STX3: variants seen among roughly 807,000 people sequenced by gnomAD.
STX3 encodes syntaxin 3.
Under a neutral mutation model 40.2 loss-of-function variants are expected in STX3, and 19 were observed. The ratio of observed to expected loss-of-function variants is 0.47; its 90% CI spans 0.33 to 0.69. STX3 has a LOEUF of 0.69. STX3 is among the 30% of genes least tolerant of loss of function. The pLI, the probability that STX3 is intolerant of heterozygous loss-of-function variation, is 0.02. For missense variants in STX3, 364 were observed against 366.7 expected (o/e 0.99, Z 0.06); for synonymous variants, 122 against 132.2 (o/e 0.92, Z 0.53).
At position 59,804,620 on chromosome 11, in the gene STX3, GC is replaced by G. The variant is rs1196168767; in HGVS notation, c.*3797del. On this transcript the variant is annotated 3_prime_UTR_variant, in exon 11 of 11. Coordinates refer to ENST00000337979, the MANE Select transcript of STX3 (RefSeq NM_004177.5). Reference sequence around the variant, plus strand: ...TTACCACAACATGAAAATTTAAAGTGCTTTTTCTATGGGTGGTGATGGTGGA... The same window carrying G: ...TTACCACAACATGAAAATTTAAAGTGTTTTTCTATGGGTGGTGATGGTGGA... 6.6e-6 allele frequency: 1 copy of G among 152,294 alleles called. No homozygotes were observed. The highest frequency in any genetic ancestry group is 2.4e-5 in the African/African-American group (1 of 41,564). 9.4% of individuals were successfully genotyped at this position (152,294 alleles called of 1,614,324 possible).
At chr11:59,795,230 G>C (rs1347020758) in intron 8 of STX3, 142 bp from the exon 9 acceptor site, 2 of 651,204 alleles carry the variant, frequency 3.1e-6, no homozygotes, top group Non-Finnish European at 5.3e-6. Flanking sequence ...CTGTGAATGG[G>C]TGTCCTATGG....
chr11:59,764,201 C>G (rs556355191), intron 1 of STX3, among the ~76,000 whole-genome samples: 1 of 152,160 alleles, frequency 6.6e-6, no homozygotes, highest in African/African-American at 2.4e-5. Flanking sequence ...CCTGAGACAT[C>G]TAGTGTCACC....
At chr11:59,795,661 G>A in intron 9 of STX3, 179 bp downstream of exon 9, 1 of 1,537,380 alleles carries the variant, frequency 6.5e-7, no homozygotes, top group East Asian at 2.4e-5. Context: ...TTGTGGAGCG[G>A]GCCGTGGCAG....
chr11:59,800,244 GGA>G (rs1245977942), intron 10 of STX3: 3 of 985,232 alleles, frequency 3.0e-6, no homozygotes, highest in Non-Finnish European at 3.6e-6. Flanking sequence ...GTCACCCAAG[GGA>G]GAGAGGTCTC....
chr11:59,800,928 AG>A lies in STX3; in HGVS notation c.*105del. ...GAATGGAGTCTGAATGGCCTTCCTG[AG>A]AGCGAGTGCGACCCGTTCCTTTGTT... On this transcript the variant is annotated 3_prime_UTR_variant, in exon 11 of 11. Transcript: ENST00000337979. 1 of 1,536,220 alleles carries A rather than the reference AG, an allele frequency of 6.5e-7. No homozygotes were observed. Among genetic ancestry groups the A allele is most frequent in the Non-Finnish European group, 8.7e-7 (1 of 1,146,874 alleles).
chr11:59,800,610 G>A, intron 10 of STX3: 1 of 985,430 alleles, frequency 1.0e-6, no homozygotes, highest in Non-Finnish European at 1.2e-6. Context: ...TTCCATGGGT[G>A]TGGACAGCCT....
intron 1 of STX3, among the ~76,000 whole-genome samples, chr11:59,761,564 C>T (rs376347585): frequency 4.5e-4 from 68 of 152,256 alleles, no homozygotes; most frequent in East Asian, 3.1e-3. Flanking sequence ...TTTATTTGCC[C>T]GCAGATTCTG....
chr11:59,781,956 A>G (rs908441655), intron 2 of STX3, among the ~76,000 whole-genome samples: 7 of 152,222 alleles, frequency 4.6e-5, no homozygotes, highest in African/African-American at 1.7e-4. Flanking sequence ...ATATGCAGCA[A>G]TTAATGCTCA....
intron 7 of STX3, 24 bp downstream of exon 7, chr11:59,793,196 A>G (rs1397981079): frequency 6.2e-7 from 1 of 1,612,270 alleles, no homozygotes; most frequent in Non-Finnish European, 8.5e-7. Context: ...GTGCTCGGAT[A>G]GCACATCCCT....
At chr11:59,793,539 G>A in intron 8 of STX3, 25 bp downstream of exon 8, 6 of 1,603,540 alleles carry the variant, frequency 3.7e-6, no homozygotes, top group South Asian at 2.2e-5. Context: ...GTCCCAGCGT[G>A]GGGAGGGAGG....
At chr11:59,762,513 C>T (rs960467646) in intron 1 of STX3, among the ~76,000 whole-genome samples, 9 of 152,152 alleles carry the variant, frequency 5.9e-5, no homozygotes, top group Non-Finnish European at 8.8e-5. Flanking sequence ...ATGAAGGTTG[C>T]GCGTTGTCAC....
chr11:59,754,251 G>C (rs1162385185), upstream of STX3: 1 of 152,248 alleles, frequency 6.6e-6, no homozygotes, highest in Non-Finnish European at 1.5e-5. Context: ...CGCGGGGCCG[G>C]CTCAAAGCCC....
intron 8 of STX3, among the ~76,000 whole-genome samples, chr11:59,794,989 C>T (rs1459631456): frequency 6.6e-6 from 1 of 152,168 alleles, no homozygotes; most frequent in East Asian, 1.9e-4. Flanking sequence ...GGCCAGCATC[C>T]TAGTGATGTC....
At chr11:59,775,685 A>G (rs1010559229) in intron 2 of STX3, among the ~76,000 whole-genome samples, 10 of 152,338 alleles carry the variant, frequency 6.6e-5, no homozygotes, top group Middle Eastern at 3.4e-3. Context: ...CAAGGATGCC[A>G]TGAGGATCAT....
chr11:59,790,430 G>A, intron 4 of STX3, 89 bp from the exon 5 acceptor site: 1 of 1,010,140 alleles, frequency 9.9e-7, no homozygotes, highest in Non-Finnish European at 1.6e-6. Flanking sequence ...TGGGCTGGAT[G>A]TGTGGGAATG....
intron 2 of STX3, chr11:59,781,820 A>T: frequency 8.6e-7 from 1 of 1,164,072 alleles, no homozygotes; most frequent in Non-Finnish European, 1.2e-6. Context: ...CTCTAATATG[A>T]AGACTGCTTG....
At chr11:59,792,701 C>A (rs1467127299) in intron 6 of STX3, among the ~76,000 whole-genome samples, 1 of 152,032 alleles carries the variant, frequency 6.6e-6, no homozygotes, top group Non-Finnish European at 1.5e-5. Context: ...TGAACATAAT[C>A]AAGAAAGAGC....
At chr11:59,774,779 C>T (rs867167097) in intron 2 of STX3, among the ~76,000 whole-genome samples, 4 of 151,968 alleles carry the variant, frequency 2.6e-5, no homozygotes, top group Non-Finnish European at 4.4e-5. Context: ...TGCAGTGAGC[C>T]GAGATTGCGC....
At chr11:59,792,242 C>T (rs373201734) in intron 6 of STX3, 27 bp downstream of exon 6, 184 of 1,592,338 alleles carry the variant, frequency 1.2e-4, no homozygotes, top group Admixed American at 3.4e-5. Context: ...TGGCGTGTGC[C>T]CTCCACCTTT....
Sources: gnomAD v4.1 joint callset for allele counts (sites outside exome capture counted in the v4.1 genomes callset) on GRCh38, gnomAD v4.1.1 for gene constraint, MANE v1.5 for transcripts, NCBI Gene and HGNC (gene_info 2026-07-23, HGNC 2026-07-21) for gene names.